The following CHRNA3 variants were observed in gnomAD, a reference collection of about 807,000 sequenced individuals.
The protein encoded by CHRNA3 is cholinergic receptor nicotinic alpha 3 subunit.
Under a neutral mutation model 41.9 loss-of-function variants are expected in CHRNA3, and 34 were observed. The ratio of observed to expected loss-of-function variants is 0.81; its 90% CI spans 0.62 to 1.08. The LOEUF (loss-of-function observed/expected upper bound fraction) is 1.08. Among genes scored for constraint, CHRNA3 ranks in the 50% least tolerant of loss-of-function variants. CHRNA3 has a pLI of 0.00. For missense variants in CHRNA3, 542 were observed against 638.3 expected, an observed-to-expected ratio of 0.85 and a Z score of 1.63; for synonymous variants, 281 against 265.2, an observed-to-expected ratio of 1.06 and a Z score of -0.58.
Position 78,596,343 on chromosome 15 carries a change from A to G in CHRNA3, c.*261T>C, listed in dbSNP as rs905655512. ...CATTTTTACATGTATATTCCATAGC[A>G]TAGCATACTAATCACATAGAATCAC... On this transcript the variant is annotated 3_prime_UTR_variant, in exon 6 of 6. Coordinates refer to ENST00000326828, the MANE Select transcript of CHRNA3 (RefSeq NM_000743.5). The G allele has an allele frequency of 3.6e-6, 4 of 1,103,354 alleles. No homozygotes were observed. The highest frequency in any genetic ancestry group is 5.7e-5 in the East Asian group (1 of 17,600). 68.3% of individuals were successfully genotyped at this position (1,103,354 alleles called of 1,614,324 possible).
rs954484103 is a variant in CHRNA3, at chr15:78,595,380, A to C, written c.*1224T>G. On this transcript the variant is annotated 3_prime_UTR_variant, in exon 6 of 6. Coordinates refer to ENST00000326828, the MANE Select transcript of CHRNA3 (RefSeq NM_000743.5). ...AAGATTCAAACAGTCTCTGTGAATC[A>C]TCTGTCAGTGGTGATGATCACGTTA... 37 of 983,780 alleles carry C rather than the reference A, an allele frequency of 3.8e-5. No individual in the cohort carries two copies. The African/African-American group carries it at 6.0e-4, about 16-fold the overall frequency. 60.9% of individuals were successfully genotyped at this position (983,780 alleles called of 1,614,324 possible). A position where few individuals can be genotyped will look rare whatever the true frequency, so the allele number is the denominator to read the frequency against.
chr15:78,618,440 G>A, intron 3 of CHRNA3, 177 bp downstream of exon 3: 1 of 670,912 alleles, frequency 1.5e-6, no homozygotes, highest in Non-Finnish European at 2.6e-6. Flanking sequence ...CAGGGGGACT[G>A]TAGGGCAGTG....
Position 78,620,919 on chromosome 15 carries a change from G to T in CHRNA3, c.-125C>A. 3.4e-6 allele frequency: 4 copies of T among 1,188,570 alleles called. No homozygotes were observed. Among genetic ancestry groups the T allele is most frequent in the Non-Finnish European group, 4.2e-6 (4 of 947,214 alleles). 73.6% of individuals were successfully genotyped at this position (1,188,570 alleles called of 1,614,324 possible). On this transcript the variant is annotated 5_prime_UTR_variant, in exon 1 of 6. Coordinates refer to ENST00000326828, the MANE Select transcript of CHRNA3 (RefSeq NM_000743.5). ...CCTGGAGCCGTGCGGGCGGAGACGCGCGGGGCTCCTCTCCGCTTCGCCGCC... is the reference window on the plus strand; with the variant it reads ...CCTGGAGCCGTGCGGGCGGAGACGCTCGGGGCTCCTCTCCGCTTCGCCGCC...
At chr15:78,606,239 T>C (rs571016010) in intron 4 of CHRNA3, among the ~76,000 whole-genome samples, 8 of 151,276 alleles carry the variant, frequency 5.3e-5, no homozygotes, top group Admixed American at 4.6e-4. Context: ...GGCAGAAGAA[T>C]TGCTTGAATC....
Position 78,601,685 on chromosome 15 carries a change from G to A in CHRNA3, c.957C>T (p.Ile319=), listed in dbSNP as rs747958062. The stretch of plus-strand genomic sequence containing the variant: ...CGTTGAGCACGAAGACGGTGATGAC[G>A]ATGGACAAGGTTACAAAAATCATGG... ...LFTMIFVTLS[I]VITVFVLNVH... The change falls in exon 5 of 6, where the codon ATC becomes ATT. Residue 319 remains isoleucine, a synonymous_variant. Coordinates refer to ENST00000326828, the MANE Select transcript of CHRNA3 (RefSeq NM_000743.5). The A allele has an allele frequency of 8.1e-6, 13 of 1,614,130 alleles. No individual in the cohort carries two copies. The highest frequency in any genetic ancestry group is 3.3e-5 in the South Asian group (3 of 91,066).
At position 78,620,739 on chromosome 15, in the gene CHRNA3, AGC is replaced by A; in HGVS notation, c.54_55del (p.Leu19AlafsTer16). 6.7e-7 allele frequency: 1 copy of A among 1,500,710 alleles called. No individual in the cohort carries two copies. Among genetic ancestry groups the A allele is most frequent in the Non-Finnish European group, 8.8e-7 (1 of 1,131,724 alleles). The allele number at this position is 1,500,710 out of a possible 1,614,324, so 93.0% of individuals were successfully genotyped here. A position where few individuals can be genotyped will look rare whatever the true frequency, so the allele number is the denominator to read the frequency against. ...TGGCAGCAGAGACAGCAGCAGCAGC[AGC>A]AGCAGCCGCGGCGGCGACAGCGCCA... On this transcript the variant is annotated frameshift_variant, in exon 1 of 6. Transcript: ENST00000326828. LOFTEE classifies it high-confidence loss of function.
intron 5 of CHRNA3, among the ~76,000 whole-genome samples, chr15:78,597,388 G>A (rs561559641): frequency 2.0e-4 from 30 of 152,246 alleles, no homozygotes; most frequent in African/African-American, 6.5e-4. Context: ...CAGAGATCAC[G>A]CCACTGCACT....
rs755345481 is a variant in CHRNA3 at position 78,617,136 on chromosome 15, C to T, written c.268-3G>A. The T allele has an allele frequency of 1.9e-5, 30 of 1,595,782 alleles. 1 individual carries two copies. In the South Asian group the frequency reaches 2.0e-4, roughly 11 times the overall value. On this transcript the variant is annotated splice_polypyrimidine_tract_variant and splice_region_variant and intron_variant, in intron 3 of 5. Transcript: ENST00000326828. ...TTCAGCTTGTAGTCATTCCAGATCT[C>T]GGGGAAGGAAGCAGGGAGGGAGAAG...
At chr15:78,602,355 T>C (rs1202537145) in intron 4 of CHRNA3, 91 bp from the exon 5 acceptor site, 2 of 1,377,274 alleles carry the variant, frequency 1.5e-6, no homozygotes, top group South Asian at 1.4e-5. Context: ...CAGTAAGTAA[T>C]GATTTGGAAG....
At chr15:78,615,155 G>A (rs893831562) in intron 4 of CHRNA3, among the ~76,000 whole-genome samples, 2 of 152,158 alleles carry the variant, frequency 1.3e-5, no homozygotes, top group African/African-American at 2.4e-5. Flanking sequence ...CTGGGAGCAC[G>A]GGGCCCAGAA....
chr15:78,618,980 C>T (rs867816301), intron 1 of CHRNA3, 65 bp from the exon 2 acceptor site: 2 of 1,560,422 alleles, frequency 1.3e-6, no homozygotes, highest in African/African-American at 2.7e-5. Flanking sequence ...CCCAGCCCAG[C>T]AGAAACATCA....
intron 5 of CHRNA3, 70 bp downstream of exon 5, chr15:78,601,183 G>A: frequency 6.7e-7 from 1 of 1,496,896 alleles, no homozygotes; most frequent in African/African-American, 1.4e-5. Flanking sequence ...CCTATGCCTT[G>A]CCCCACGAGG....
intron 3 of CHRNA3, among the ~76,000 whole-genome samples, chr15:78,617,775 C>A (rs1481024246): frequency 6.6e-6 from 1 of 152,170 alleles, no homozygotes; most frequent in Non-Finnish European, 1.5e-5. Flanking sequence ...GCTGAGTGCT[C>A]AGCTGGCCAG....
rs1362776872 is a variant in CHRNA3, at chr15:78,596,019, A to AACT, written c.*584_*585insAGT. 1 of 961,040 alleles carries AACT rather than the reference A, an allele frequency of 1.0e-6. No individual in the cohort carries two copies. The highest frequency in any genetic ancestry group is 1.2e-6 in the Non-Finnish European group (1 of 808,190). The allele number at this position is 961,040 out of a possible 1,614,324, so 59.5% of individuals were successfully genotyped here. On this transcript the variant is annotated 3_prime_UTR_variant, in exon 6 of 6. Transcript: ENST00000326828. ...CACCCAGTTTATGGTGTACTAAGAC[A>AACT]GTTATATTAACAATGAATAACTAGG...
chr15:78,599,688 C>A (rs1333131974), intron 5 of CHRNA3, among the ~76,000 whole-genome samples: 2 of 129,822 alleles, frequency 1.5e-5, no homozygotes, highest in Non-Finnish European at 3.3e-5. Flanking sequence ...ATTGGCATGC[C>A]TTCTCAAGAA....
intron 4 of CHRNA3, among the ~76,000 whole-genome samples, chr15:78,608,126 G>A (rs2053325677): frequency 6.6e-6 from 1 of 152,228 alleles, no homozygotes; most frequent in South Asian, 2.1e-4. Flanking sequence ...TGCCTCTATA[G>A]GCTCCACCTC....
intron 4 of CHRNA3, among the ~76,000 whole-genome samples, chr15:78,612,892 A>G (rs1005862276): frequency 1.7e-4 from 26 of 151,646 alleles, no homozygotes; most frequent in African/African-American, 6.1e-4. Context: ...AAACAACCCC[A>G]TCAAAAAGTG....
At chr15:78,618,942 T>C in intron 1 of CHRNA3, 27 bp from the exon 2 acceptor site, 2 of 1,610,592 alleles carry the variant, frequency 1.2e-6, no homozygotes, top group East Asian at 2.2e-5. Context: ...TGTCAGTCCC[T>C]GGGGAAATCG....
In CHRNA3 at chr15:78,595,476, T is replaced by A. The variant is rs1188169957; in HGVS notation, c.*1128A>T. On this transcript the variant is annotated 3_prime_UTR_variant, in exon 6 of 6. Transcript: ENST00000326828. ...GCAATGTTTCTCAACCAGGGGCAAT[T>A]TTGCTCCTAAGGGAACATTTAACAA... 2 of 932,612 alleles carry A rather than the reference T, an allele frequency of 2.1e-6. No homozygotes were observed. Among genetic ancestry groups the A allele is most frequent in the Non-Finnish European group, 2.6e-6 (2 of 781,738 alleles). 57.8% of individuals were successfully genotyped at this position (932,612 alleles called of 1,614,324 possible).
Sources: allele counts gnomAD v4.1 joint callset (sites outside exome capture counted in the v4.1 genomes callset), GRCh38; gene constraint gnomAD v4.1.1; transcripts MANE v1.5; gene names NCBI Gene and HGNC (gene_info 2026-07-23, HGNC 2026-07-21).